The following HYDIN variants were observed in gnomAD, a reference collection of about 807,000 sequenced individuals.
HYDIN encodes HYDIN axonemal central pair apparatus protein.
Under a neutral mutation model 403.9 loss-of-function variants are expected in HYDIN, and 132 were observed. That is an observed-to-expected ratio of 0.33 (90% CI 0.28 to 0.38). The LOEUF (loss-of-function observed/expected upper bound fraction) is 0.38. Among genes scored for constraint, HYDIN ranks in the 10% least tolerant of loss-of-function variants. The probability of loss-of-function intolerance (pLI) is 1.00; values close to 1 mark genes in which losing one functional copy is unlikely to be tolerated. For missense variants in HYDIN, 2,827 were observed against 5,009.5 expected (o/e 0.56, Z 13.15); for synonymous variants, 1,202 against 1,891.7 (o/e 0.64, Z 9.46).
intron 29 of HYDIN, 103 bp downstream of exon 29, chr16:70,981,288 C>T (rs1798538): frequency 6.9e-7 from 1 of 1,459,512 alleles, no homozygotes; most frequent in African/African-American, 1.4e-5. Context: ...AACCACAGGG[C>T]ATTTCCAAGC....
At chr16:71,229,812 T>C (rs531395425) in intron 1 of HYDIN, among the ~76,000 whole-genome samples, 6 of 152,316 alleles carry the variant, frequency 3.9e-5, no homozygotes, top group African/African-American at 7.2e-5. Flanking sequence ...TACATACTTA[T>C]TGCAGTAAGT....
intron 10 of HYDIN, chr16:71,113,596 T>C (rs2144456781): frequency 6.6e-6 from 1 of 151,680 alleles, no homozygotes; most frequent in South Asian, 2.1e-4. Flanking sequence ...TCTTGATTTT[T>C]TTTTTTTTTT....
Position 71,020,158 on chromosome 16 carries a change from A to G in HYDIN, c.3330+16T>C, listed in dbSNP as rs4788718. On this transcript the variant is annotated intron_variant, in intron 22 of 85. Transcript: ENST00000393567. ...CACCCCAGACAGCTTGCCAGAACAGACCCCTATTAAGGTACCTCAGGAGTT... is the reference window on the plus strand; with the variant it reads ...CACCCCAGACAGCTTGCCAGAACAGGCCCCTATTAAGGTACCTCAGGAGTT... 1 of 1,612,748 alleles carries G rather than the reference A, an allele frequency of 6.2e-7. No individual in the cohort carries two copies. The highest frequency in any genetic ancestry group is 1.3e-5 in the African/African-American group (1 of 74,674).
At chr16:71,053,437 G>T (rs1420688723) in intron 18 of HYDIN, among the ~76,000 whole-genome samples, 2 of 152,152 alleles carry the variant, frequency 1.3e-5, no homozygotes, top group African/African-American at 2.4e-5. Flanking sequence ...AGTAGGCAAA[G>T]AAATAAACAT....
At chr16:70,830,107 C>T (rs2036875475) in intron 80 of HYDIN, among the ~76,000 whole-genome samples, 1 of 152,134 alleles carries the variant, frequency 6.6e-6, no homozygotes, top group Admixed American at 6.5e-5. Flanking sequence ...GAGACAGACA[C>T]ACAAGTGGAA....
At chr16:70,973,143 C>T (rs1504904) in intron 35 of HYDIN, among the ~76,000 whole-genome samples, 200 bp downstream of exon 35, 67 of 147,056 alleles carry the variant, frequency 4.6e-4, no homozygotes, top group African/African-American at 1.5e-3. Context: ...CTGATAAAAA[C>T]TGATGTGTTA....
At chr16:70,958,161 C>T (rs1382498189) in intron 39 of HYDIN, among the ~76,000 whole-genome samples, 1 of 152,130 alleles carries the variant, frequency 6.6e-6, no homozygotes. Flanking sequence ...TGGGGATAAT[C>T]CTTAATTATA....
chr16:71,209,152 A>G (rs1186059530), intron 1 of HYDIN, among the ~76,000 whole-genome samples: 1 of 151,140 alleles, frequency 6.6e-6, no homozygotes, highest in African/African-American at 2.4e-5. Flanking sequence ...TCAGCAAAAT[A>G]CTAGCAAACT....
chr16:71,060,040 A>G (rs2082029259), intron 18 of HYDIN, among the ~76,000 whole-genome samples: 1 of 152,200 alleles, frequency 6.6e-6, no homozygotes, highest in Admixed American at 6.5e-5. Flanking sequence ...TAGAATAAAC[A>G]CACCAACATA....
intron 3 of HYDIN, among the ~76,000 whole-genome samples, chr16:71,181,196 T>TAAAA (rs926272733): frequency 2.1e-5 from 3 of 142,152 alleles, no homozygotes; most frequent in African/African-American, 7.7e-5. Context: ...TGCAATACAT[T>TAAAA]AAAAAAAAAA....
At chr16:71,011,332 C>T (rs1480565098) in intron 23 of HYDIN, among the ~76,000 whole-genome samples, 1 of 152,188 alleles carries the variant, frequency 6.6e-6, no homozygotes, top group East Asian at 1.9e-4. Flanking sequence ...AGGAGGAGCA[C>T]AGCGCTTGGA....
At position 70,955,995 on chromosome 16, in the gene HYDIN, T is replaced by G. The variant is rs375783007; in HGVS notation, c.6143-447A>C. Reference sequence around the variant, plus strand: ...CACCATATCTGGTTAATTTTTTGTATTTTTAGTAGAGATGGGGTTTCACCA... The same window carrying G: ...CACCATATCTGGTTAATTTTTTGTAGTTTTAGTAGAGATGGGGTTTCACCA... On this transcript the variant is annotated intron_variant, in intron 39 of 85. Transcript: ENST00000393567. Among the ~76,000 whole-genome samples the G allele has an allele frequency of 1.3e-4, 20 of 151,994 alleles. No homozygotes were observed. The East Asian group carries it at 3.1e-3, about 23-fold the overall frequency.
At chr16:71,098,416 A>G (rs1014058014) in intron 10 of HYDIN, among the ~76,000 whole-genome samples, 4 of 151,582 alleles carry the variant, frequency 2.6e-5, no homozygotes, top group Non-Finnish European at 5.9e-5. Flanking sequence ...GTTAGCCAGG[A>G]TGGTCTCGAT....
intron 23 of HYDIN, among the ~76,000 whole-genome samples, chr16:71,011,472 T>G (rs1368261977): frequency 1.3e-5 from 2 of 151,720 alleles, no homozygotes; most frequent in Non-Finnish European, 2.9e-5. Context: ...TTCGGGAGAC[T>G]GAGGTAGGAG....
At chr16:71,176,264 C>T (rs1194506831) in intron 4 of HYDIN, among the ~76,000 whole-genome samples, 1 of 149,480 alleles carries the variant, frequency 6.7e-6, no homozygotes, top group Non-Finnish European at 1.5e-5. Context: ...GAGATCGGGC[C>T]ACTGCACTCC....
rs2035170439 is a variant in HYDIN, at chr16:70,807,620, C to A, written c.15326G>T (p.Gly5109Val). The A allele has an allele frequency of 6.2e-7, 1 of 1,613,934 alleles. No individual in the cohort carries two copies. Among genetic ancestry groups the A allele is most frequent in the African/African-American group, 1.3e-5 (1 of 74,918 alleles). The change falls in exon 86 of 86, where the codon GGA becomes GTA. Residue 5109 changes from glycine to valine, a missense_variant. By Grantham distance (109) the Gly-to-Val change is moderately radical (BLOSUM62 -3). Transcript: ENST00000393567. Reference protein sequence around the residue: ...SCPPGEGSETGVKWVYYLKGI... With the variant: ...SCPPGEGSETVVKWVYYLKGI... Reference sequence around the variant, plus strand: ...CTTCAGATAATAAACCCATTTAACTCCAGTCTCACTCCCTTCACCAGGAGG... The same window carrying A: ...CTTCAGATAATAAACCCATTTAACTACAGTCTCACTCCCTTCACCAGGAGG...
chr16:70,940,417 A>G (rs2077633606), intron 43 of HYDIN, among the ~76,000 whole-genome samples: 2 of 151,978 alleles, frequency 1.3e-5, no homozygotes, highest in South Asian at 4.2e-4. Flanking sequence ...GCGATCATGT[A>G]AAGTGCTTTC....
In HYDIN at chr16:70,850,659, G is replaced by T; in HGVS notation, c.12444-4C>A. On this transcript the variant is annotated splice_region_variant and splice_polypyrimidine_tract_variant and intron_variant, in intron 73 of 85. Coordinates refer to ENST00000393567, the MANE Select transcript of HYDIN (RefSeq NM_001270974.2). The stretch of plus-strand genomic sequence containing the variant: ...GAAGAAAATATCAATTGGGAACCTG[G>T]TTGGGGAACAAAACAGCAGATTACC... 1 of 1,613,206 alleles carries T rather than the reference G, an allele frequency of 6.2e-7. No individual in the cohort carries two copies. The highest frequency in any genetic ancestry group is 8.5e-7 in the Non-Finnish European group (1 of 1,179,410).
In HYDIN at chr16:70,808,073, A is replaced by C; in HGVS notation, c.14884-11T>G. The C allele has an allele frequency of 6.3e-7, 1 of 1,583,652 alleles. No homozygotes were observed. The highest frequency in any genetic ancestry group is 8.6e-7 in the Non-Finnish European group (1 of 1,162,246). On this transcript the variant is annotated splice_polypyrimidine_tract_variant and intron_variant, in intron 85 of 85. Coordinates refer to ENST00000393567, the MANE Select transcript of HYDIN (RefSeq NM_001270974.2). The stretch of plus-strand genomic sequence containing the variant: ...GTCTGTACAGTCGGTCTGAAAGGGG[A>C]ACAAACAAACTCAGCTCACGTGAGA...
Sources: gnomAD v4.1 joint callset for allele counts (sites outside exome capture counted in the v4.1 genomes callset) on GRCh38, gnomAD v4.1.1 for gene constraint, MANE v1.5 for transcripts, NCBI Gene and HGNC (gene_info 2026-07-23, HGNC 2026-07-21) for gene names.